CLIC5: variants seen among roughly 807,000 people sequenced by gnomAD.
The protein encoded by CLIC5 is CLIC family member 5, also known as chloride intracellular channel protein 5.
CLIC5 carries 20 observed loss-of-function variants against 24.7 expected under a neutral mutation model. The ratio of observed to expected loss-of-function variants is 0.81; its 90% CI spans 0.57 to 1.18. The LOEUF (loss-of-function observed/expected upper bound fraction) is 1.18, where lower values mean the gene tolerates loss of function less well. CLIC5 is among the 50% of genes most tolerant of loss of function. CLIC5 has a pLI of 0.00. For synonymous variants in CLIC5, 159 were observed against 135.6 expected (o/e 1.17, Z -1.20); for missense variants, 341 against 326.1 (o/e 1.05, Z -0.35).
At chr6:46,024,648 C>A (rs182655331) in intron 1 of CLIC5, among the ~76,000 whole-genome samples, 15 of 152,222 alleles carry the variant, frequency 9.9e-5, no homozygotes, top group Admixed American at 9.8e-4. Context: ...TAGTAAAATT[C>A]TTTTTTGGCT....
chr6:45,905,692 G>A (rs1302980882), intron 5 of CLIC5, among the ~76,000 whole-genome samples: 1 of 152,024 alleles, frequency 6.6e-6, no homozygotes, highest in Non-Finnish European at 1.5e-5. Flanking sequence ...TGTTCACTCT[G>A]TTGATAGTTT....
chr6:46,071,564 A>G (rs1338258328), intron 1 of CLIC5, among the ~76,000 whole-genome samples: 3 of 152,226 alleles, frequency 2.0e-5, no homozygotes, highest in Non-Finnish European at 4.4e-5. Flanking sequence ...AATGGCTATT[A>G]TTAAAAAGTC....
chr6:46,067,971 A>T (rs1224243765), intron 1 of CLIC5, among the ~76,000 whole-genome samples: 1 of 152,200 alleles, frequency 6.6e-6, no homozygotes, highest in African/African-American at 2.4e-5. Context: ...ATTTGTAGAT[A>T]TAATTTAAGC....
rs193274454 is a variant in CLIC5 at position 45,903,095 on chromosome 6, C to T, written c.749G>A (p.Arg250Gln). ...GGGGCAAAATGGCTGTGCTCAGGAT[C>T]GGCTGAGGCGTTTGGCGACATCAGC... ...AYADVAKRLS[R>Q]S is the part of the protein sequence containing the mutation. The change falls in exon 6 of 6, where the codon CGA (arginine) becomes CAA (glutamine). Residue 250 changes from arginine to glutamine, a missense_variant. By Grantham distance (43) the Arg-to-Gln change is conservative. Transcript: ENST00000339561. 2.3e-5 allele frequency: 37 copies of T among 1,614,092 alleles called. No individual in the cohort carries two copies. The East Asian group carries it at 4.0e-4, about 18-fold the overall frequency.
intron 1 of CLIC5, among the ~76,000 whole-genome samples, chr6:46,037,051 C>T (rs963968475): frequency 6.6e-6 from 1 of 152,034 alleles, no homozygotes; most frequent in Non-Finnish European, 1.5e-5. Flanking sequence ...CATATTCAAC[C>T]AAAGGTCTTC....
At chr6:46,020,968 A>C (rs1562009148) in intron 1 of CLIC5, among the ~76,000 whole-genome samples, 1 of 151,906 alleles carries the variant, frequency 6.6e-6, no homozygotes, top group Non-Finnish European at 1.5e-5. Context: ...TACCTTCATT[A>C]ATGAATTCTA....
chr6:46,029,250 A>T (rs1177043027), intron 1 of CLIC5, among the ~76,000 whole-genome samples: 2 of 152,214 alleles, frequency 1.3e-5, no homozygotes, highest in South Asian at 2.1e-4. Context: ...TTCATGGCAC[A>T]GTTCACTTAA....
At chr6:45,935,640 C>T (rs909480366) in intron 4 of CLIC5, among the ~76,000 whole-genome samples, 1 of 152,178 alleles carries the variant, frequency 6.6e-6, no homozygotes, top group African/African-American at 2.4e-5. Flanking sequence ...CTGCTTTCTC[C>T]CATCTCAAAG....
chr6:45,997,723 G>T (rs902926265), intron 1 of CLIC5, among the ~76,000 whole-genome samples: 2 of 152,082 alleles, frequency 1.3e-5, no homozygotes, highest in African/African-American at 4.8e-5. Context: ...GCAAAAGAAA[G>T]AACCAATTTC....
chr6:45,907,457 T>C (rs961041687), intron 5 of CLIC5, among the ~76,000 whole-genome samples: 1 of 152,332 alleles, frequency 6.6e-6, no homozygotes, highest in Admixed American at 6.5e-5. Context: ...TTTGTGTCTA[T>C]GTTCATCAGG....
At chr6:45,944,251 G>A (rs144065775) in intron 3 of CLIC5, among the ~76,000 whole-genome samples, 12 of 151,432 alleles carry the variant, frequency 7.9e-5, no homozygotes, top group South Asian at 6.3e-4. Flanking sequence ...TTTGTGATAC[G>A]TGAAAATAAT....
the CLIC5 span, among the ~76,000 whole-genome samples, chr6:46,125,319 C>T: frequency 1.3e-5 from 2 of 152,012 alleles, no homozygotes; most frequent in African/African-American, 4.8e-5. Flanking sequence ...AGCAAACTAT[C>T]GCAAGGACAA....
the CLIC5 span, among the ~76,000 whole-genome samples, chr6:46,091,378 A>C: frequency 6.6e-6 from 1 of 152,178 alleles, no homozygotes; most frequent in South Asian, 2.1e-4. Context: ...GGCTTATTTC[A>C]CTTAACATAA....
chr6:46,014,843 C>G (rs897490861), intron 1 of CLIC5: 1 of 152,212 alleles, frequency 6.6e-6, no homozygotes, highest in East Asian at 1.9e-4. Flanking sequence ...GGGAGGCTCT[C>G]CCTACTACCA....
At chr6:46,073,825 G>A (rs1260396252) in intron 1 of CLIC5, among the ~76,000 whole-genome samples, 1 of 152,194 alleles carries the variant, frequency 6.6e-6, no homozygotes, top group Non-Finnish European at 1.5e-5. Context: ...CACTGCCTGG[G>A]ACGTCCTTTG....
chr6:46,064,711 T>C (rs749638216), intron 1 of CLIC5, among the ~76,000 whole-genome samples: 1 of 151,988 alleles, frequency 6.6e-6, no homozygotes, highest in Non-Finnish European at 1.5e-5. Flanking sequence ...ATCGATGTAT[T>C]TGACATTAAA....
intron 1 of CLIC5, among the ~76,000 whole-genome samples, chr6:46,052,920 C>T (rs568985938): frequency 1.8e-4 from 27 of 152,114 alleles, no homozygotes; most frequent in African/African-American, 6.0e-4. Flanking sequence ...GCCTCCCCTG[C>T]CACTCGGCCC....
At chr6:45,924,696 G>C (rs1018120347) in intron 4 of CLIC5, among the ~76,000 whole-genome samples, 4 of 152,024 alleles carry the variant, frequency 2.6e-5, no homozygotes, top group Non-Finnish European at 5.9e-5. Flanking sequence ...ACTTGAAAGT[G>C]AATATATAAG....
At chr6:45,977,433 C>T (rs535409157) in intron 1 of CLIC5, among the ~76,000 whole-genome samples, 1 of 152,258 alleles carries the variant, frequency 6.6e-6, no homozygotes, top group South Asian at 2.1e-4. Flanking sequence ...AGCTACCTTC[C>T]CTCCATCTTT....
Sources: allele counts gnomAD v4.1 joint callset (sites outside exome capture counted in the v4.1 genomes callset), GRCh38; gene constraint gnomAD v4.1.1; transcripts MANE v1.5; gene names NCBI Gene and HGNC (gene_info 2026-07-23, HGNC 2026-07-21).